Variants in LUZP2 observed in about 807,000 individuals in gnomAD.
LUZP2 encodes leucine zipper protein 2.
LUZP2 carries 52 observed loss-of-function variants against 51.6 expected under a neutral mutation model. The ratio of observed to expected loss-of-function variants is 1.01; its 90% CI spans 0.81 to 1.27. LUZP2 has a LOEUF of 1.27. Among genes scored for constraint, LUZP2 ranks in the 50% most tolerant of loss-of-function variants. The pLI is 0.00. For synonymous variants in LUZP2, 154 were observed against 137.3 expected (o/e 1.12, Z -0.85); for missense variants, 436 against 395.4 (o/e 1.10, Z -0.87).
At chr11:24,574,450 T>C (rs1852573024) in intron 1 of LUZP2, among the ~76,000 whole-genome samples, 1 of 151,450 alleles carries the variant, frequency 6.6e-6, no homozygotes, top group East Asian at 1.9e-4. Context: ...TATATTTGTG[T>C]GAGTATGTAT....
At chr11:24,640,864 CCT>C in intron 1 of LUZP2, among the ~76,000 whole-genome samples, 1 of 151,614 alleles carries the variant, frequency 6.6e-6, no homozygotes, top group East Asian at 1.9e-4. Context: ...TACAGAATTT[CCT>C]TTTTTATATG....
At chr11:24,957,263 A>T (rs538242672) in intron 7 of LUZP2, among the ~76,000 whole-genome samples, 3 of 152,144 alleles carry the variant, frequency 2.0e-5, no homozygotes, top group African/African-American at 7.2e-5. Context: ...GTATATATGT[A>T]TGAGATACAA....
chr11:24,749,421 T>C (rs1859496900), intron 4 of LUZP2, among the ~76,000 whole-genome samples: 1 of 152,144 alleles, frequency 6.6e-6, no homozygotes, highest in East Asian at 1.9e-4. Context: ...GATTGAAGGA[T>C]ACGTAGATAG....
intron 1 of LUZP2, among the ~76,000 whole-genome samples, chr11:24,683,668 A>C (rs1485806219): frequency 6.6e-6 from 1 of 152,182 alleles, no homozygotes; most frequent in East Asian, 1.9e-4. Flanking sequence ...TTTGCCTTTA[A>C]CTAAGGAGAT....
intron 5 of LUZP2, among the ~76,000 whole-genome samples, chr11:24,885,121 T>C (rs1000606107): frequency 1.3e-5 from 2 of 152,188 alleles, no homozygotes; most frequent in African/African-American, 4.8e-5. Flanking sequence ...AAACTCTTCT[T>C]TATCTATAAG....
At chr11:24,837,498 G>A (rs1011343423) in intron 5 of LUZP2, among the ~76,000 whole-genome samples, 15 of 151,746 alleles carry the variant, frequency 9.9e-5, no homozygotes, top group African/African-American at 3.1e-4. Flanking sequence ...CAGTGTTTAT[G>A]GCTATAGATG....
chr11:25,079,001 A>C lies in LUZP2; in HGVS notation c.*343A>C, dbSNP rs1432073709. 1.1e-5 allele frequency: 2 copies of C among 177,316 alleles called. No individual in the cohort carries two copies. Among genetic ancestry groups the C allele is most frequent in the Non-Finnish European group, 2.3e-5 (2 of 85,532 alleles). The allele number at this position is 177,316 out of a possible 1,614,324, so 11.0% of individuals were successfully genotyped here. On this transcript the variant is annotated 3_prime_UTR_variant, in exon 12 of 12. Coordinates refer to ENST00000336930, the MANE Select transcript of LUZP2 (RefSeq NM_001009909.4). ...TGATATAGTTGTCAAAATCAACTGG[A>C]GGATAATAAAATATTGTGGGTTCTC...
At chr11:24,811,943 G>A (rs1256982523) in intron 5 of LUZP2, among the ~76,000 whole-genome samples, 1 of 152,168 alleles carries the variant, frequency 6.6e-6, no homozygotes, top group Admixed American at 6.5e-5. Context: ...ATTCCAGTGA[G>A]TATGGGAACC....
At chr11:24,544,221 C>T (rs1055613329) in intron 1 of LUZP2, among the ~76,000 whole-genome samples, 6 of 151,930 alleles carry the variant, frequency 3.9e-5, no homozygotes, top group African/African-American at 1.2e-4. Context: ...ATTGCCTGTC[C>T]GGAGGTCCAG....
chr11:24,748,292 C>T (rs1859451191), intron 4 of LUZP2, among the ~76,000 whole-genome samples: 1 of 152,030 alleles, frequency 6.6e-6, no homozygotes, highest in South Asian at 2.1e-4. Context: ...AGGTTGGAAA[C>T]CTTTCCTGCA....
chr11:24,863,197 C>T (rs1851790322), intron 5 of LUZP2, among the ~76,000 whole-genome samples: 1 of 152,114 alleles, frequency 6.6e-6, no homozygotes, highest in Non-Finnish European at 1.5e-5. Context: ...AACTCTATTC[C>T]TAAATATGTA....
At chr11:24,723,859 TAATA>T in intron 1 of LUZP2, among the ~76,000 whole-genome samples, 1 of 152,140 alleles carries the variant, frequency 6.6e-6, no homozygotes, top group East Asian at 1.9e-4. Flanking sequence ...AAATAAAAAG[TAATA>T]AATAAAAATT....
intron 5 of LUZP2, among the ~76,000 whole-genome samples, chr11:24,902,573 T>C (rs1278608865): frequency 6.6e-6 from 1 of 152,216 alleles, no homozygotes; most frequent in African/African-American, 2.4e-5. Context: ...CACTGCTTGC[T>C]ACTCTATAAA....
intron 1 of LUZP2, among the ~76,000 whole-genome samples, chr11:24,633,968 A>G (rs866703728): frequency 2.8e-4 from 41 of 149,004 alleles, no homozygotes; most frequent in African/African-American, 8.8e-4. Flanking sequence ...GTGTGTGTAT[A>G]TATAGTCTGT....
chr11:24,520,270 CG>C (rs1564965930), intron 1 of LUZP2, among the ~76,000 whole-genome samples: 6 of 152,080 alleles, frequency 3.9e-5, no homozygotes, highest in Non-Finnish European at 7.4e-5. Flanking sequence ...TACTCTAAAA[CG>C]CACTAGTGTA....
chr11:24,507,050 T>C (rs962382940), intron 1 of LUZP2, among the ~76,000 whole-genome samples: 4 of 152,038 alleles, frequency 2.6e-5, no homozygotes, highest in Non-Finnish European at 2.9e-5. Flanking sequence ...AGTTTGAAAA[T>C]CAGCCAAATA....
intron 9 of LUZP2, among the ~76,000 whole-genome samples, chr11:24,990,186 C>T (rs1005745472): frequency 3.9e-5 from 6 of 151,902 alleles, no homozygotes; most frequent in African/African-American, 1.2e-4. Flanking sequence ...CTACCTTTTT[C>T]GAGGTAGTTC....
chr11:24,971,938 G>A (rs748974742), intron 7 of LUZP2, among the ~76,000 whole-genome samples: 1 of 151,810 alleles, frequency 6.6e-6, no homozygotes, highest in Non-Finnish European at 1.5e-5. Context: ...TCAGAAGATC[G>A]AGACCAGCAT....
At chr11:24,808,368 C>T (rs1056966683) in intron 5 of LUZP2, among the ~76,000 whole-genome samples, 2 of 152,048 alleles carry the variant, frequency 1.3e-5, no homozygotes, top group African/African-American at 4.8e-5. Flanking sequence ...GCAATGAACT[C>T]GATTCTGAAG....
Sources: allele counts gnomAD v4.1 joint callset (sites outside exome capture counted in the v4.1 genomes callset), GRCh38; gene constraint gnomAD v4.1.1; transcripts MANE v1.5; gene names NCBI Gene and HGNC (gene_info 2026-07-23, HGNC 2026-07-21).